Variants in SLC44A3 observed in about 807,000 individuals in gnomAD.
SLC44A3 encodes solute carrier family 44 member 3.
Under a neutral mutation model 75.4 loss-of-function variants are expected in SLC44A3, and 74 were observed. The ratio of observed to expected loss-of-function variants is 0.98; its 90% confidence interval spans 0.81 to 1.19. The LOEUF (loss-of-function observed/expected upper bound fraction) is 1.19. Ranked by LOEUF, SLC44A3 falls within the 50% of genes most tolerant of loss-of-function variation. SLC44A3 has a pLI of 0.00. For synonymous variants in SLC44A3, 310 were observed against 296.9 expected, an observed-to-expected ratio of 1.04 and a Z score of -0.45; for missense variants, 700 against 778.6, an observed-to-expected ratio of 0.90 and a Z score of 1.20.
intron 3 of SLC44A3, among the ~76,000 whole-genome samples, chr1:94,826,978 C>T (rs1661440329): frequency 6.6e-6 from 1 of 152,180 alleles, no homozygotes; most frequent in Non-Finnish European, 1.5e-5. Context: ...CTGCCCTGCC[C>T]CTGGGGAGCT....
intron 9 of SLC44A3, among the ~76,000 whole-genome samples, chr1:94,856,593 C>A (rs538903112): frequency 6.6e-6 from 1 of 152,202 alleles, no homozygotes; most frequent in Non-Finnish European, 1.5e-5. Context: ...GTTTCATCAA[C>A]GTGCTGAGTT....
At chr1:94,824,957 G>A (rs1163385310) in intron 3 of SLC44A3, among the ~76,000 whole-genome samples, 1 of 152,206 alleles carries the variant, frequency 6.6e-6, no homozygotes, top group African/African-American at 2.4e-5. Flanking sequence ...CACTGCATGA[G>A]CTAAAGTATA....
At chr1:94,847,410 G>A (rs902417994) in intron 9 of SLC44A3, among the ~76,000 whole-genome samples, 4 of 152,158 alleles carry the variant, frequency 2.6e-5, no homozygotes, top group African/African-American at 9.7e-5. Context: ...CACAGGTGGC[G>A]CTTCCACCCA....
At chr1:94,864,449 G>A (rs557367208) in intron 10 of SLC44A3, among the ~76,000 whole-genome samples, 2 of 152,224 alleles carry the variant, frequency 1.3e-5, no homozygotes, top group Admixed American at 1.3e-4. Context: ...GAGATGAATA[G>A]GCACCCTAAA....
intron 5 of SLC44A3, 60 bp downstream of exon 5, chr1:94,828,646 C>A: frequency 7.0e-7 from 1 of 1,426,530 alleles, no homozygotes. Flanking sequence ...ACTTGGTGTG[C>A]ATCTGTTACT....
chr1:94,874,600 G>A (rs1168240208), intron 12 of SLC44A3, among the ~76,000 whole-genome samples: 1 of 152,218 alleles, frequency 6.6e-6, no homozygotes, highest in African/African-American at 2.4e-5. Flanking sequence ...CTCCTGCGAG[G>A]CAATTGAGTG....
At chr1:94,848,613 A>G (rs1571269411) in intron 9 of SLC44A3, among the ~76,000 whole-genome samples, 1 of 152,024 alleles carries the variant, frequency 6.6e-6, no homozygotes, top group African/African-American at 2.4e-5. Context: ...TGGAGCAGGG[A>G]TGGTTTTAAT....
At chr1:94,860,945 T>C (rs2101349310) in intron 10 of SLC44A3, among the ~76,000 whole-genome samples, 1 of 152,324 alleles carries the variant, frequency 6.6e-6, no homozygotes, top group South Asian at 2.1e-4. Context: ...CCAGGAGAGA[T>C]GTCACCATGA....
intron 10 of SLC44A3, among the ~76,000 whole-genome samples, chr1:94,862,444 C>A (rs560774369): frequency 2.0e-5 from 3 of 152,358 alleles, no homozygotes; most frequent in South Asian, 4.1e-4. Context: ...GTAGAAATTA[C>A]AAAACAGTAC....
chr1:94,822,838 C>T (rs554544824), intron 2 of SLC44A3, among the ~76,000 whole-genome samples: 32 of 152,252 alleles, frequency 2.1e-4, no homozygotes, highest in Non-Finnish European at 3.8e-4. Flanking sequence ...AATGTACACA[C>T]CTCCTATATC....
At chr1:94,874,927 A>G (rs1175673367) in intron 12 of SLC44A3, among the ~76,000 whole-genome samples, 1 of 152,206 alleles carries the variant, frequency 6.6e-6, no homozygotes, top group African/African-American at 2.4e-5. Context: ...TAAGAGTCAA[A>G]CAGATGAAGA....
chr1:94,857,467 T>A lies in SLC44A3; in HGVS notation c.1205T>A (p.Ile402Lys). 2 of 1,613,280 alleles carry A rather than the reference T, an allele frequency of 1.2e-6. No homozygotes were observed. Among genetic ancestry groups the A allele is most frequent in the Middle Eastern group, 1.7e-4 (1 of 6,002 alleles). The change falls in exon 10 of 15, where the codon ATA becomes AAA. Residue 402 changes from isoleucine (I) to lysine (K), a missense_variant. Coordinates refer to ENST00000271227, the MANE Select transcript of SLC44A3 (RefSeq NM_001114106.3). ...ATCCTTGCGTGCCAGCAAATGACTATAGCTGGGGCAGTGGTTACTTGTTAT... is the reference window on the plus strand; with the variant it reads ...ATCCTTGCGTGCCAGCAAATGACTAAAGCTGGGGCAGTGGTTACTTGTTAT... ...EFILACQQMT[I>K]AGAVVTCYFN...
intron 11 of SLC44A3, among the ~76,000 whole-genome samples, chr1:94,866,051 T>G (rs1667135094): frequency 3.3e-5 from 5 of 152,202 alleles, no homozygotes; most frequent in Admixed American, 3.3e-4. Context: ...TTTGATGACT[T>G]GAAGAGGCAT....
Position 94,842,128 on chromosome 1 carries a change from A to C in SLC44A3, c.885+4A>C. The C allele has an allele frequency of 1.2e-6, 2 of 1,602,970 alleles. No homozygotes were observed. Among genetic ancestry groups the C allele is most frequent in the Non-Finnish European group, 1.7e-6 (2 of 1,175,526 alleles). On this transcript the variant is annotated splice_donor_region_variant and intron_variant, in intron 8 of 14. Transcript: ENST00000271227. The stretch of plus-strand genomic sequence containing the variant: ...TATCGTATCCACAGGCATCACGGTA[A>C]GAAATGCTCTTCTAGCAGTAGGTCA...
chr1:94,853,814 G>A (rs953662977), intron 9 of SLC44A3, among the ~76,000 whole-genome samples: 1 of 152,066 alleles, frequency 6.6e-6, no homozygotes, highest in African/African-American at 2.4e-5. Flanking sequence ...GGACCAATAT[G>A]GGAGCATGTA....
At chr1:94,856,326 T>C (rs943468104) in intron 9 of SLC44A3, among the ~76,000 whole-genome samples, 2 of 152,110 alleles carry the variant, frequency 1.3e-5, no homozygotes. Flanking sequence ...CTCCAGGTAT[T>C]CCAGATAAGG....
chr1:94,861,086 GA>G (rs1352528616), intron 10 of SLC44A3, among the ~76,000 whole-genome samples: 8 of 151,122 alleles, frequency 5.3e-5, no homozygotes, highest in African/African-American at 1.2e-4. Context: ...ATTAACTTCA[GA>G]AAAAAAAAGT....
chr1:94,842,104 A>G lies in SLC44A3; in HGVS notation c.865A>G (p.Ile289Val), dbSNP rs368465746. The G allele has an allele frequency of 5.6e-6, 9 of 1,611,028 alleles. No individual in the cohort carries two copies. The highest frequency in any genetic ancestry group is 4.0e-5 in the African/African-American group (3 of 74,726). Residue 289 changes from isoleucine to valine, a missense_variant, in exon 8 of 15, where the codon ATC (isoleucine) becomes GTC (valine). Physicochemically the swap from Ile to Val is conservative, Grantham distance 29. Transcript: ENST00000271227. ...TATGAAGTGCGTGCTGGGGTTTGCT[A>G]TCGTATCCACAGGCATCACGGTAAG... ...ENMKCVLGFAIVSTGITAVLL... is the reference protein window; with the variant it reads ...ENMKCVLGFAVVSTGITAVLL...
At chr1:94,862,225 A>G (rs1300512520) in intron 10 of SLC44A3, among the ~76,000 whole-genome samples, 1 of 152,214 alleles carries the variant, frequency 6.6e-6, no homozygotes, top group African/African-American at 2.4e-5. Flanking sequence ...CAGGGACCAC[A>G]CAGTCCTTTG....
Sources: gnomAD v4.1 joint callset for allele counts (sites outside exome capture counted in the v4.1 genomes callset) on GRCh38, gnomAD v4.1.1 for gene constraint, MANE v1.5 for transcripts, NCBI Gene and HGNC (gene_info 2026-07-23, HGNC 2026-07-21) for gene names.